The following CTNNBL1 variants were observed in gnomAD, a reference collection of about 807,000 sequenced individuals.
CTNNBL1 encodes beta-catenin-like protein 1.
A neutral mutation model predicts 72.7 loss-of-function variants in CTNNBL1; 31 were observed. The ratio of observed to expected loss-of-function variants is 0.43; its 90% CI spans 0.32 to 0.58. The LOEUF is 0.58. Among genes scored for constraint, CTNNBL1 ranks in the 20% least tolerant of loss-of-function variants. The probability of loss-of-function intolerance (pLI) is 0.08; values close to 1 mark genes in which losing one functional copy is unlikely to be tolerated. For missense variants in CTNNBL1, 534 were observed against 725.1 expected (o/e 0.74, Z 3.03); for synonymous variants, 240 against 267.3 (o/e 0.90, Z 1.00).
At chr20:37,859,661 C>T (rs1361324653) in intron 13 of CTNNBL1, among the ~76,000 whole-genome samples, 3 of 149,980 alleles carry the variant, frequency 2.0e-5, no homozygotes, top group Non-Finnish European at 4.4e-5. Flanking sequence ...GGCCCTGATT[C>T]GTCAGATAGG....
In CTNNBL1 at chr20:37,744,537, G is replaced by T. The variant is rs142387388; in HGVS notation, c.327-1931G>T. On this transcript the variant is annotated intron_variant, in intron 3 of 15. Coordinates refer to ENST00000361383, the MANE Select transcript of CTNNBL1 (RefSeq NM_030877.5). ...CCATTAATCTATGACTTAGAACAGG[G>T]ATTGTAGATAAGCTTAATCGGCCAC... 3.9e-5 allele frequency: 6 copies of T among 152,168 alleles called. No individual in the cohort carries two copies. The East Asian group carries it at 1.2e-3, about 29-fold the overall frequency. 9.4% of individuals were successfully genotyped at this position (152,168 alleles called of 1,614,324 possible). A position where few individuals can be genotyped will look rare whatever the true frequency, so the allele number is the denominator to read the frequency against.
At chr20:37,856,605 T>C (rs1240683860) in intron 13 of CTNNBL1, among the ~76,000 whole-genome samples, 3 of 151,986 alleles carry the variant, frequency 2.0e-5, no homozygotes, top group Non-Finnish European at 4.4e-5. Flanking sequence ...ACAAGTCGTT[T>C]CTTGTAGGGC....
intron 11 of CTNNBL1, among the ~76,000 whole-genome samples, chr20:37,804,826 G>A (rs942296754): frequency 3.9e-5 from 6 of 152,222 alleles, no homozygotes; most frequent in Non-Finnish European, 7.3e-5. Context: ...AAATGTGCCC[G>A]GTGGCGTGCT....
intron 1 of CTNNBL1, among the ~76,000 whole-genome samples, chr20:37,709,688 A>G (rs2122556942): frequency 6.6e-6 from 1 of 152,326 alleles, no homozygotes; most frequent in South Asian, 2.1e-4. Context: ...GAAGGTAGAG[A>G]TGCCGAAGGA....
chr20:37,807,028 C>A (rs935194872), intron 11 of CTNNBL1, among the ~76,000 whole-genome samples: 1 of 152,142 alleles, frequency 6.6e-6, no homozygotes. Context: ...TCCTGGTTTG[C>A]CTCTTTAAGT....
At chr20:37,842,033 T>C (rs1283228944) in intron 12 of CTNNBL1, among the ~76,000 whole-genome samples, 1 of 152,216 alleles carries the variant, frequency 6.6e-6, no homozygotes, top group Admixed American at 6.5e-5. Context: ...TGAATTTTTA[T>C]CTATTTATTT....
chr20:37,779,476 G>T lies in CTNNBL1; in HGVS notation c.1031+141G>T, dbSNP rs995280242. On this transcript the variant is annotated intron_variant, in intron 10 of 15. Coordinates refer to ENST00000361383, the MANE Select transcript of CTNNBL1 (RefSeq NM_030877.5). ...CCTGAAGAGTAAAGTCTTCAGGCAT[G>T]GGGGGATGTGTTTGTATAGGTATGT... 10 of 869,828 alleles carry T rather than the reference G, an allele frequency of 1.1e-5. No homozygotes were observed. The Admixed American group carries it at 1.9e-4, about 17-fold the overall frequency. 53.9% of individuals were successfully genotyped at this position (869,828 alleles called of 1,614,324 possible).
At chr20:37,865,380 G>A (rs1454883762) in intron 15 of CTNNBL1, among the ~76,000 whole-genome samples, 6 of 152,200 alleles carry the variant, frequency 3.9e-5, no homozygotes, top group Admixed American at 1.3e-4. Context: ...GAAGCTGTAC[G>A]GAAGGCATGG....
intron 1 of CTNNBL1, among the ~76,000 whole-genome samples, chr20:37,717,335 T>G (rs147399633): frequency 8.5e-4 from 129 of 152,396 alleles, no homozygotes; most frequent in African/African-American, 2.8e-3. Context: ...GTATGTCTTG[T>G]AACGTGCAGA....
chr20:37,846,127 C>T lies in CTNNBL1; in HGVS notation c.1392+3708C>T, dbSNP rs550705158. ...ATGGGCCTAGGGGTGGTGCCGCAGA[C>T]AAGGGCTGGAGGATCCGGGGAGTGG... On this transcript the variant is annotated intron_variant, in intron 13 of 15. Coordinates refer to ENST00000361383, the MANE Select transcript of CTNNBL1 (RefSeq NM_030877.5). 2.4e-4 allele frequency among the ~76,000 whole-genome samples: 37 copies of T among 152,240 alleles called. 1 individual carries two copies. Among genetic ancestry groups the T allele is most frequent in the African/African-American group, 8.2e-4 (34 of 41,516 alleles).
chr20:37,707,885 T>A (rs912721248), intron 1 of CTNNBL1, among the ~76,000 whole-genome samples: 1 of 152,176 alleles, frequency 6.6e-6, no homozygotes, highest in African/African-American at 2.4e-5. Context: ...TATTAATTAC[T>A]TAATTGCAGT....
At chr20:37,859,568 A>G (rs1187126719) in intron 13 of CTNNBL1, among the ~76,000 whole-genome samples, 2 of 151,406 alleles carry the variant, frequency 1.3e-5, no homozygotes, top group Non-Finnish European at 2.9e-5. Context: ...AATGAGTGGA[A>G]GCAGATAAAT....
intron 13 of CTNNBL1, among the ~76,000 whole-genome samples, chr20:37,843,956 C>T (rs141782874): frequency 2.0e-5 from 3 of 152,316 alleles, no homozygotes; most frequent in East Asian, 3.9e-4. Context: ...TAGCATGTTC[C>T]ACCACAATTC....
At chr20:37,842,034 CTATT>C (rs1452986911) in intron 12 of CTNNBL1, among the ~76,000 whole-genome samples, 1 of 152,140 alleles carries the variant, frequency 6.6e-6, no homozygotes, top group Non-Finnish European at 1.5e-5. Flanking sequence ...GAATTTTTAT[CTATT>C]TATTTGTTTT....
At chr20:37,736,347 A>G (rs978302421) in intron 2 of CTNNBL1, among the ~76,000 whole-genome samples, 42 of 152,228 alleles carry the variant, frequency 2.8e-4, no homozygotes, top group Admixed American at 2.2e-3. Flanking sequence ...CTTCTGCTGT[A>G]GGAAAAGATT....
At chr20:37,717,839 T>C (rs553448079) in intron 1 of CTNNBL1, among the ~76,000 whole-genome samples, 1 of 152,246 alleles carries the variant, frequency 6.6e-6, no homozygotes, top group East Asian at 1.9e-4. Context: ...CAAGCATCTG[T>C]TTAACAAAGC....
At chr20:37,855,252 CT>C (rs2122848818) in intron 13 of CTNNBL1, among the ~76,000 whole-genome samples, 1 of 152,028 alleles carries the variant, frequency 6.6e-6, no homozygotes, top group South Asian at 2.1e-4. Flanking sequence ...CCTTTTCAGC[CT>C]GTCAAACTCC....
intron 4 of CTNNBL1, among the ~76,000 whole-genome samples, 169 bp from the exon 5 acceptor site, chr20:37,757,390 A>C (rs1007764419): frequency 6.6e-6 from 1 of 152,230 alleles, no homozygotes; most frequent in Non-Finnish European, 1.5e-5. Context: ...TTAACATTTA[A>C]TGAACACCTG....
intron 11 of CTNNBL1, among the ~76,000 whole-genome samples, chr20:37,815,108 AT>A (rs1009405278): frequency 1.7e-5 from 1 of 60,250 alleles, no homozygotes; most frequent in African/African-American, 7.4e-5. Context: ...TGTGTGTGTA[AT>A]TTTGTATAAA....
Sources: allele counts gnomAD v4.1 joint callset (sites outside exome capture counted in the v4.1 genomes callset), GRCh38; gene constraint gnomAD v4.1.1; transcripts MANE v1.5; gene names NCBI Gene and HGNC (gene_info 2026-07-23, HGNC 2026-07-21).